The following PRKCB variants were observed in gnomAD, a reference collection of about 807,000 sequenced individuals.
PRKCB encodes the protein protein kinase C beta, also known as protein kinase C beta type.
In PRKCB, 13 loss-of-function variants were observed where a neutral mutation model predicts 81.5. The observed-to-expected ratio is 0.16, with a 90% confidence interval of 0.10 to 0.25. The LOEUF is 0.25. PRKCB is among the 10% of genes least tolerant of loss of function. The pLI is 1.00. For missense variants in PRKCB, 509 were observed against 875.7 expected (o/e 0.58, Z 5.29); for synonymous variants, 335 against 321.4 (o/e 1.04, Z -0.45).
intron 16 of PRKCB, among the ~76,000 whole-genome samples, chr16:24,195,522 G>C (rs567201321): frequency 6.6e-6 from 1 of 152,226 alleles, no homozygotes; most frequent in East Asian, 1.9e-4. Context: ...ATCAGTGAAG[G>C]GTGCTATTAT....
intron 2 of PRKCB, among the ~76,000 whole-genome samples, chr16:23,917,788 T>G (rs775891576): frequency 6.6e-5 from 10 of 152,222 alleles, no homozygotes; most frequent in Non-Finnish European, 1.3e-4. Flanking sequence ...TTTTGCAGTT[T>G]CTGGCAAGAC....
At chr16:24,085,668 G>C (rs1188579626) in intron 5 of PRKCB, among the ~76,000 whole-genome samples, 1 of 152,130 alleles carries the variant, frequency 6.6e-6, no homozygotes, top group Non-Finnish European at 1.5e-5. Context: ...GAGAATTTGG[G>C]GGTGGGGAGA....
chr16:24,195,203 A>G (rs1452179049), intron 16 of PRKCB, among the ~76,000 whole-genome samples: 1 of 34,706 alleles, frequency 2.9e-5, no homozygotes, highest in East Asian at 8.4e-4. Flanking sequence ...CCTGTCTCAG[A>G]AAAAAAAAAA....
intron 2 of PRKCB, among the ~76,000 whole-genome samples, chr16:23,845,762 C>T (rs529035399): frequency 6.6e-6 from 1 of 152,084 alleles, no homozygotes; most frequent in Non-Finnish European, 1.5e-5. Flanking sequence ...GGCTTCTTTC[C>T]CAGTTTGACA....
chr16:24,136,798 G>T (rs1300276650), intron 9 of PRKCB, among the ~76,000 whole-genome samples: 1 of 152,164 alleles, frequency 6.6e-6, no homozygotes, highest in Non-Finnish European at 1.5e-5. Flanking sequence ...AGAAGAAAAC[G>T]ACGGGCCTGT....
At chr16:24,022,783 G>A (rs1965423306) in intron 3 of PRKCB, among the ~76,000 whole-genome samples, 1 of 152,342 alleles carries the variant, frequency 6.6e-6, no homozygotes, top group South Asian at 2.1e-4. Flanking sequence ...GTGAGCCACT[G>A]TGCCTGGCCA....
At chr16:24,061,910 T>TTAA (rs1435113766) in intron 5 of PRKCB, among the ~76,000 whole-genome samples, 4 of 93,760 alleles carry the variant, frequency 4.3e-5, no homozygotes, top group Non-Finnish European at 8.7e-5. Context: ...CTTAAATAAA[T>TTAA]AAAAAAAAAA....
At chr16:23,913,012 A>G (rs538935505) in intron 2 of PRKCB, among the ~76,000 whole-genome samples, 4 of 151,948 alleles carry the variant, frequency 2.6e-5, no homozygotes, top group East Asian at 1.9e-4. Flanking sequence ...TTTTATAGAG[A>G]CTGGTCTTGA....
chr16:24,166,075 T>C (rs1596578054), intron 10 of PRKCB, among the ~76,000 whole-genome samples: 1 of 151,762 alleles, frequency 6.6e-6, no homozygotes, highest in South Asian at 2.1e-4. Flanking sequence ...TTAGTAGAGA[T>C]AGGGTTTCTC....
At chr16:23,866,255 T>A (rs191484128) in intron 2 of PRKCB, among the ~76,000 whole-genome samples, 2 of 152,272 alleles carry the variant, frequency 1.3e-5, no homozygotes, top group Admixed American at 1.3e-4. Flanking sequence ...AGTCATGGGG[T>A]AATCATTATG....
chr16:23,978,322 G>T (rs759842000), intron 2 of PRKCB, among the ~76,000 whole-genome samples: 5 of 152,158 alleles, frequency 3.3e-5, no homozygotes, highest in Admixed American at 1.3e-4. Context: ...CACCAGCCTT[G>T]CATCACTCAG....
chr16:24,199,873 G>T (rs1450343886), intron 16 of PRKCB, among the ~76,000 whole-genome samples: 1 of 152,172 alleles, frequency 6.6e-6, no homozygotes, highest in Non-Finnish European at 1.5e-5. Context: ...CAAGACCCTT[G>T]TAAAGATTAT....
At chr16:24,206,972 C>T (rs1968056407) in intron 16 of PRKCB, among the ~76,000 whole-genome samples, 1 of 152,176 alleles carries the variant, frequency 6.6e-6, no homozygotes, top group Non-Finnish European at 1.5e-5. Context: ...ACTCTGTCAC[C>T]CAGGCTGAAG....
At chr16:23,922,753 T>A (rs1261349553) in intron 2 of PRKCB, among the ~76,000 whole-genome samples, 3 of 152,198 alleles carry the variant, frequency 2.0e-5, no homozygotes, top group Non-Finnish European at 4.4e-5. Context: ...CCACAGTAGC[T>A]CCTGCCAGCA....
chr16:24,056,701 G>A (rs530182861), intron 5 of PRKCB, among the ~76,000 whole-genome samples: 9 of 152,128 alleles, frequency 5.9e-5, no homozygotes, highest in East Asian at 3.9e-4. Flanking sequence ...TCTTGTTCCC[G>A]CTCCTACCAT....
rs1330998294 is a variant in PRKCB, at chr16:24,145,347, G to C, written c.1066-9337G>C. On this transcript the variant is annotated intron_variant, in intron 9 of 16. Coordinates refer to ENST00000643927, the MANE Select transcript of PRKCB (RefSeq NM_002738.7). ...TAATCCAGCACTTTGGGAGGCCAAG[G>C]TAGGAGGATCTCCTGAGGCCAGGAG... Among the ~76,000 whole-genome samples the C allele has an allele frequency of 2.0e-5, 3 of 152,216 alleles. No individual in the cohort carries two copies. In the East Asian group the frequency reaches 5.8e-4, roughly 29 times the overall value.
At chr16:24,151,019 A>G (rs1253502023) in intron 9 of PRKCB, among the ~76,000 whole-genome samples, 6 of 152,256 alleles carry the variant, frequency 3.9e-5, no homozygotes. Context: ...GATGCGGAGC[A>G]CATAGCATTG....
At chr16:23,956,889 T>A (rs953435742) in intron 2 of PRKCB, among the ~76,000 whole-genome samples, 1 of 147,956 alleles carries the variant, frequency 6.8e-6, no homozygotes, top group Non-Finnish European at 1.5e-5. Context: ...TACATGGTGC[T>A]GGCATAATTG....
At chr16:24,061,342 T>A (rs1043197802) in intron 5 of PRKCB, among the ~76,000 whole-genome samples, 2 of 152,246 alleles carry the variant, frequency 1.3e-5, no homozygotes, top group African/African-American at 2.4e-5. Context: ...ATTACAGGCA[T>A]GAGCCACCAC....
Sources: gnomAD v4.1 joint callset for allele counts (sites outside exome capture counted in the v4.1 genomes callset) on GRCh38, gnomAD v4.1.1 for gene constraint, MANE v1.5 for transcripts, NCBI Gene and HGNC (gene_info 2026-07-23, HGNC 2026-07-21) for gene names.